OLA1: variants seen among roughly 807,000 people sequenced by gnomAD.
OLA1 encodes obg-like ATPase 1.
A neutral mutation model predicts 48.4 loss-of-function variants in OLA1; 14 were observed. The observed-to-expected ratio is 0.29, with a 90% CI of 0.19 to 0.45. The LOEUF (loss-of-function observed/expected upper bound fraction) is 0.45. Among genes scored for constraint, OLA1 ranks in the 20% least tolerant of loss-of-function variants. The pLI, the probability that OLA1 is intolerant of heterozygous loss-of-function variation, is 1.00. For missense variants in OLA1, 325 were observed against 467.1 expected, an observed-to-expected ratio of 0.70 and a Z score of 2.80; for synonymous variants, 127 against 150.4, an observed-to-expected ratio of 0.84 and a Z score of 1.14.
chr2:174,145,491 C>T (rs183540237), intron 4 of OLA1, among the ~76,000 whole-genome samples: 11 of 152,182 alleles, frequency 7.2e-5, no homozygotes, highest in East Asian at 1.9e-4. Context: ...CTGCAACGCT[C>T]GATGAGAAAG....
intron 4 of OLA1, among the ~76,000 whole-genome samples, chr2:174,180,362 G>A (rs1198042698): frequency 6.6e-6 from 1 of 152,060 alleles, no homozygotes; most frequent in Non-Finnish European, 1.5e-5. Flanking sequence ...AGTAAAACCA[G>A]ACTACTCAGC....
intron 4 of OLA1, among the ~76,000 whole-genome samples, chr2:174,202,066 C>A (rs572846677): frequency 1.3e-5 from 2 of 151,532 alleles, no homozygotes; most frequent in African/African-American, 4.9e-5. Context: ...ACAGATAAAC[C>A]GGGTAACCTA....
chr2:174,086,507 T>C (rs1334343508), intron 7 of OLA1, among the ~76,000 whole-genome samples: 1 of 152,208 alleles, frequency 6.6e-6, no homozygotes, highest in East Asian at 1.9e-4. Context: ...CTGAAAACTT[T>C]CCACCTTTTC....
rs1269267715 is a variant in OLA1 at position 174,073,750 on chromosome 2, T to C, written c.*1676A>G. On this transcript the variant is annotated 3_prime_UTR_variant, in exon 11 of 11. Coordinates refer to ENST00000284719, the MANE Select transcript of OLA1 (RefSeq NM_013341.5). ...AAGACCCAAAAGCAAGATATTTGAT[T>C]CTTTCTTATACTGCTGAAATCCCTA... The C allele has an allele frequency of 2.6e-5, 4 of 152,204 alleles. No homozygotes were observed. Among genetic ancestry groups the C allele is most frequent in the African/African-American group, 9.6e-5 (4 of 41,454 alleles). 9.4% of individuals were successfully genotyped at this position (152,204 alleles called of 1,614,324 possible). A position where few individuals can be genotyped will look rare whatever the true frequency, so the allele number is the denominator to read the frequency against.
chr2:174,153,817 T>G, intron 4 of OLA1, among the ~76,000 whole-genome samples: 1 of 152,338 alleles, frequency 6.6e-6, no homozygotes, highest in South Asian at 2.1e-4. Flanking sequence ...TTCTTATTCC[T>G]TATTATATAA....
rs557801499 is a variant in OLA1, at chr2:174,195,045, ATC to A, written c.373+27986_373+27987del. Among the ~76,000 whole-genome samples the A allele has an allele frequency of 1.8e-4, 28 of 152,194 alleles. No individual in the cohort carries two copies. The East Asian group carries it at 4.8e-3, about 26-fold the overall frequency. Reference sequence around the variant, plus strand: ...GTCTGCAGTTTCAGTTAAACATCCTATCTGAATCCTGCTGTGCTTCAGCCTTC... The same window carrying A: ...GTCTGCAGTTTCAGTTAAACATCCTATGAATCCTGCTGTGCTTCAGCCTTC... On this transcript the variant is annotated intron_variant, in intron 4 of 10. Transcript: ENST00000284719.
chr2:174,120,409 A>C (rs1210391055), intron 7 of OLA1, among the ~76,000 whole-genome samples: 1 of 152,184 alleles, frequency 6.6e-6, no homozygotes, highest in African/African-American at 2.4e-5. Flanking sequence ...AAAAACAACA[A>C]AAACTTCTAT....
At chr2:174,170,317 A>T (rs1687267217) in intron 4 of OLA1, among the ~76,000 whole-genome samples, 1 of 152,256 alleles carries the variant, frequency 6.6e-6, no homozygotes, top group East Asian at 1.9e-4. Flanking sequence ...AAAGTTAAGG[A>T]GGTATATTGT....
chr2:174,224,560 A>C (rs1435938007), intron 3 of OLA1, among the ~76,000 whole-genome samples: 1 of 152,158 alleles, frequency 6.6e-6, no homozygotes, highest in Non-Finnish European at 1.5e-5. Context: ...GGATGGCTTG[A>C]GCCCAGGAGT....
chr2:174,171,468 T>C (rs1391112143), intron 4 of OLA1, among the ~76,000 whole-genome samples: 4 of 152,018 alleles, frequency 2.6e-5, no homozygotes. Flanking sequence ...ACAGTAAGAA[T>C]GTTAGAAAAG....
At chr2:174,220,793 T>C (rs1688482683) in intron 4 of OLA1, among the ~76,000 whole-genome samples, 1 of 152,198 alleles carries the variant, frequency 6.6e-6, no homozygotes, top group Non-Finnish European at 1.5e-5. Context: ...ATCAAATTAA[T>C]GGAGAGAAAC....
At chr2:174,222,839 T>C (rs1688537104) in intron 4 of OLA1, among the ~76,000 whole-genome samples, 194 bp downstream of exon 4, 1 of 152,206 alleles carries the variant, frequency 6.6e-6, no homozygotes, top group Non-Finnish European at 1.5e-5. Context: ...AGCATATACT[T>C]GCTATGGAAT....
chr2:174,073,413 C>T lies in OLA1; in HGVS notation c.*2013G>A, dbSNP rs553728433. On this transcript the variant is annotated 3_prime_UTR_variant, in exon 11 of 11. Coordinates refer to ENST00000284719, the MANE Select transcript of OLA1 (RefSeq NM_013341.5). ...TTTATCAATATTAAAGGAGGGAAAACGTTTAGATATAGGCATATATATGAT... is the reference window on the plus strand; with the variant it reads ...TTTATCAATATTAAAGGAGGGAAAATGTTTAGATATAGGCATATATATGAT... 6 of 152,138 alleles carry T rather than the reference C, an allele frequency of 3.9e-5. No individual in the cohort carries two copies. Among genetic ancestry groups the T allele is most frequent in the Non-Finnish European group, 7.4e-5 (5 of 68,006 alleles). The allele number at this position is 152,138 out of a possible 1,614,324, so 9.4% of individuals were successfully genotyped here.
In OLA1 at chr2:174,205,086, C is replaced by T. The variant is rs747390619; in HGVS notation, c.373+17947G>A. Among the ~76,000 whole-genome samples, 80 of 152,152 alleles carry T rather than the reference C, an allele frequency of 5.3e-4. 4 individuals carry two copies. The highest frequency in any genetic ancestry group is 7.3e-5 in the Non-Finnish European group (5 of 68,030). Reference sequence around the variant, plus strand: ...GATTGTGGTTCTACATTTAAATTATCGCATATAGTAAACTTCCTTATTGGT... The same window carrying T: ...GATTGTGGTTCTACATTTAAATTATTGCATATAGTAAACTTCCTTATTGGT... On this transcript the variant is annotated intron_variant, in intron 4 of 10. Coordinates refer to ENST00000284719, the MANE Select transcript of OLA1 (RefSeq NM_013341.5).
rs368275929 is a variant in OLA1 at position 174,081,954 on chromosome 2, T to C, written c.839A>G (p.Gln280Arg). The C allele has an allele frequency of 9.3e-6, 15 of 1,612,760 alleles. 1 individual carries two copies. The African/African-American group carries it at 2.0e-4, about 22-fold the overall frequency. Residue 280 changes from glutamine to arginine, a missense_variant, in exon 8 of 11, where the codon CAG becomes CGG. Gln to Arg is a conservative substitution (Grantham distance 43). Transcript: ENST00000284719. ...KLQELSAEER[Q>R]KYLEANMTQS... ...TGTCATGTTCGCTTCCAGATACTTC[T>C]GTCTCTCCTCAGCACTCAATTCTTG...
intron 4 of OLA1, among the ~76,000 whole-genome samples, chr2:174,163,694 A>C (rs1484103392): frequency 1.0e-5 from 1 of 97,762 alleles, no homozygotes; most frequent in Non-Finnish European, 2.0e-5. Flanking sequence ...TTGTCTCAAA[A>C]ATAAAATAAA....
intron 4 of OLA1, among the ~76,000 whole-genome samples, chr2:174,159,859 A>G (rs533153663): frequency 5.9e-5 from 9 of 152,182 alleles, no homozygotes; most frequent in Admixed American, 2.0e-4. Context: ...TATTTATTAC[A>G]AAGTATTTAA....
intron 4 of OLA1, among the ~76,000 whole-genome samples, chr2:174,154,994 T>A (rs1686839429): frequency 6.6e-6 from 1 of 152,182 alleles, no homozygotes; most frequent in African/African-American, 2.4e-5. Context: ...AAACCTTACA[T>A]ATCTTTCATG....
intron 7 of OLA1, among the ~76,000 whole-genome samples, chr2:174,112,516 A>AG (rs1278708223): frequency 6.6e-6 from 1 of 152,276 alleles, no homozygotes; most frequent in East Asian, 1.9e-4. Flanking sequence ...GTGCCCCCCA[A>AG]GGTTCGTGTG....
Sources: allele counts gnomAD v4.1 joint callset (sites outside exome capture counted in the v4.1 genomes callset), GRCh38; gene constraint gnomAD v4.1.1; transcripts MANE v1.5; gene names NCBI Gene and HGNC (gene_info 2026-07-23, HGNC 2026-07-21).